WHRN: variants seen among roughly 807,000 people sequenced by gnomAD.
WHRN encodes whirlin.
In WHRN, 41 loss-of-function variants were observed where a neutral mutation model predicts 68.3. That is an observed-to-expected ratio of 0.60 (90% CI 0.47 to 0.78). The LOEUF (loss-of-function observed/expected upper bound fraction) is 0.78, where lower values mean the gene tolerates loss of function less well. Ranked by LOEUF, WHRN falls within the 30% of genes least tolerant of loss-of-function variation. WHRN has a pLI of 0.00. For missense variants in WHRN, 1,243 were observed against 1,244.7 expected, an observed-to-expected ratio of 1.00 and a Z score of 0.02; for synonymous variants, 560 against 561.3, an observed-to-expected ratio of 1.00 and a Z score of 0.03.
rs531731943 is a variant in WHRN, at chr9:114,436,215, G to A, written c.964-9802C>T. On this transcript the variant is annotated intron_variant, in intron 3 of 11. Coordinates refer to ENST00000362057, the MANE Select transcript of WHRN (RefSeq NM_015404.4). ...ACTGTAAAGATCAGTGGTTGCCTGA[G>A]GCTCAGGGAAGGATGAGAAGTAGAG... Among the ~76,000 whole-genome samples the A allele has an allele frequency of 2.6e-4, 39 of 152,320 alleles. No homozygotes were observed. In the South Asian group the frequency reaches 8.1e-3, roughly 32 times the overall value.
intron 1 of WHRN, among the ~76,000 whole-genome samples, chr9:114,491,287 G>T (rs1842950502): frequency 6.6e-6 from 1 of 152,124 alleles, no homozygotes; most frequent in African/African-American, 2.4e-5. Context: ...TTCAAGCTCA[G>T]ATGAAAAATC....
intron 1 of WHRN, among the ~76,000 whole-genome samples, chr9:114,491,368 A>G (rs1388600649): frequency 6.6e-6 from 1 of 152,220 alleles, no homozygotes; most frequent in Non-Finnish European, 1.5e-5. Flanking sequence ...ATAATGATAG[A>G]TTTGATGACA....
chr9:114,455,227 G>GTTTA (rs1227646847), intron 3 of WHRN, among the ~76,000 whole-genome samples: 1 of 151,850 alleles, frequency 6.6e-6, no homozygotes, highest in African/African-American at 2.4e-5. Flanking sequence ...TTGTTTGTTT[G>GTTTA]TTTGTTTTGA....
intron 4 of WHRN, 141 bp from the exon 5 acceptor site, chr9:114,425,165 T>A (rs908050905): frequency 3.5e-6 from 3 of 850,586 alleles, no homozygotes; most frequent in Admixed American, 1.8e-5. Flanking sequence ...GCCAGTTCAG[T>A]CTGGGGGCTA....
intron 2 of WHRN, among the ~76,000 whole-genome samples, chr9:114,473,329 C>T (rs1208690693): frequency 6.6e-6 from 1 of 152,230 alleles, no homozygotes; most frequent in African/African-American, 2.4e-5. Flanking sequence ...TGTGTGCAGG[C>T]AGGCTCTGCT....
intron 3 of WHRN, among the ~76,000 whole-genome samples, chr9:114,443,379 G>A (rs979384552): frequency 1.3e-5 from 2 of 152,156 alleles, no homozygotes; most frequent in Admixed American, 1.3e-4. Context: ...GAGTCCGGGG[G>A]ACAATCCAAT....
chr9:114,449,796 T>C (rs1188995063), intron 3 of WHRN, among the ~76,000 whole-genome samples: 1 of 152,186 alleles, frequency 6.6e-6, no homozygotes, highest in African/African-American at 2.4e-5. Flanking sequence ...CAGATCAGTC[T>C]TGCCACAAGC....
intron 3 of WHRN, among the ~76,000 whole-genome samples, chr9:114,442,004 A>C (rs973325225): frequency 2.0e-5 from 3 of 152,226 alleles, no homozygotes; most frequent in African/African-American, 7.2e-5. Flanking sequence ...CTGACATCAA[A>C]GCTAGCATGA....
At position 114,495,159 on chromosome 9, in the gene WHRN, T is replaced by C. The variant is rs919629497; in HGVS notation, c.618+9025A>G. 3.2e-4 allele frequency among the ~76,000 whole-genome samples: 49 copies of C among 152,234 alleles called. 1 individual carries two copies. The highest frequency in any genetic ancestry group is 8.8e-5 in the Non-Finnish European group (6 of 68,044). On this transcript the variant is annotated intron_variant, in intron 1 of 11. Transcript: ENST00000362057. ...AGGACTGCTGGTAAAGATCAGAGCA[T>C]GGGCAGCCCAAACACCAGGTTGAGG... is the stretch of plus-strand genomic sequence containing the variant.
chr9:114,423,604 T>G, intron 6 of WHRN, 81 bp from the exon 7 acceptor site: 1 of 1,402,036 alleles, frequency 7.1e-7, no homozygotes, highest in Non-Finnish European at 9.7e-7. Flanking sequence ...CCCAAAGGAC[T>G]GGCATGCAAA....
At chr9:114,406,998 C>T (rs1835087272) in intron 8 of WHRN, 106 bp from the exon 9 acceptor site, 1 of 1,353,440 alleles carries the variant, frequency 7.4e-7, no homozygotes, top group Non-Finnish European at 1.0e-6. Flanking sequence ...ATTCTGTCCC[C>T]ACTCTAACTG....
rs568872057 is a variant in WHRN, at chr9:114,422,557, C to T, written c.1626+757G>A. Among the ~76,000 whole-genome samples, 4 of 152,260 alleles carry T rather than the reference C, an allele frequency of 2.6e-5. No individual in the cohort carries two copies. The East Asian group carries it at 7.7e-4, about 29-fold the overall frequency. On this transcript the variant is annotated intron_variant, in intron 7 of 11. Coordinates refer to ENST00000362057, the MANE Select transcript of WHRN (RefSeq NM_015404.4). ...CTGCAAGAGAGTCACGCTGGGGCCA[C>T]GCATGGTGATTCACACCTGTAATCC...
intron 3 of WHRN, among the ~76,000 whole-genome samples, chr9:114,453,891 T>C (rs1314363236): frequency 2.6e-5 from 4 of 152,118 alleles, no homozygotes; most frequent in Non-Finnish European, 5.9e-5. Context: ...CTATCCTTCA[T>C]GAACACAAAT....
At chr9:114,482,720 C>G (rs909516274) in intron 1 of WHRN, among the ~76,000 whole-genome samples, 59 of 152,146 alleles carry the variant, frequency 3.9e-4, no homozygotes, top group African/African-American at 1.4e-3. Flanking sequence ...AAGAACAATG[C>G]GCAGAGCATC....
intron 1 of WHRN, among the ~76,000 whole-genome samples, chr9:114,500,359 A>G (rs556974655): frequency 2.2e-3 from 328 of 152,302 alleles, no homozygotes; most frequent in Non-Finnish European, 3.7e-3. Context: ...AATAATTTGC[A>G]ATGGCTTCAG....
intron 3 of WHRN, among the ~76,000 whole-genome samples, chr9:114,465,608 C>T (rs1386927828): frequency 1.3e-5 from 2 of 152,148 alleles, no homozygotes; most frequent in Non-Finnish European, 2.9e-5. Context: ...CGTGAGCAGT[C>T]TTGTCTCTCT....
chr9:114,490,387 G>A (rs1207616099), intron 1 of WHRN, among the ~76,000 whole-genome samples: 2 of 152,226 alleles, frequency 1.3e-5, no homozygotes, highest in African/African-American at 2.4e-5. Context: ...GAACGTGGGT[G>A]TCTTCTCCCC....
intron 1 of WHRN, among the ~76,000 whole-genome samples, chr9:114,483,812 CTA>C (rs1450018719): frequency 1.6e-4 from 24 of 152,348 alleles, no homozygotes; most frequent in African/African-American, 5.8e-4. Context: ...AGTTAAACTT[CTA>C]TGTCTTTCTG....
At chr9:114,495,698 T>C (rs1843397353) in intron 1 of WHRN, among the ~76,000 whole-genome samples, 1 of 151,964 alleles carries the variant, frequency 6.6e-6, no homozygotes, top group Non-Finnish European at 1.5e-5. Flanking sequence ...GACTTAAAAA[T>C]CTCAGGATTG....
Sources: gnomAD v4.1 joint callset for allele counts (sites outside exome capture counted in the v4.1 genomes callset) on GRCh38, gnomAD v4.1.1 for gene constraint, MANE v1.5 for transcripts, NCBI Gene and HGNC (gene_info 2026-07-23, HGNC 2026-07-21) for gene names.